Variants in NAA40 observed in about 807,000 individuals in gnomAD.
NAA40 encodes N-alpha-acetyltransferase 40, NatD catalytic subunit.
In NAA40, 26 loss-of-function variants were observed where a neutral mutation model predicts 36.6. That is an observed-to-expected ratio of 0.71 (90% CI 0.52 to 0.98). The LOEUF is 0.98. Ranked by LOEUF, NAA40 falls within the 50% of genes least tolerant of loss-of-function variation. The probability of loss-of-function intolerance (pLI) is 0.00; values close to 1 mark genes in which losing one functional copy is unlikely to be tolerated. For missense variants in NAA40, 237 were observed against 306.5 expected (o/e 0.77, Z 1.69); for synonymous variants, 129 against 108.4 (o/e 1.19, Z -1.18).
intron 3 of NAA40, chr11:63,952,024 T>G: frequency 7.7e-6 from 4 of 519,524 alleles, no homozygotes; most frequent in South Asian, 6.5e-5. Flanking sequence ...GCCTTGTGGT[T>G]GGGGGGTGGG....
intron 3 of NAA40, among the ~76,000 whole-genome samples, chr11:63,951,694 G>A (rs1440716654): frequency 6.6e-6 from 1 of 152,146 alleles, no homozygotes; most frequent in African/African-American, 2.4e-5. Context: ...GATGAGGCAG[G>A]CAGGACTCCT....
intron 1 of NAA40, among the ~76,000 whole-genome samples, chr11:63,943,562 T>C (rs748589307): frequency 6.6e-6 from 1 of 152,206 alleles, no homozygotes; most frequent in Non-Finnish European, 1.5e-5. Flanking sequence ...GAGTCTCCCC[T>C]CTGCCCTTTA....
Position 63,939,065 on chromosome 11 carries a change from T to G in NAA40, c.-32T>G. Reference sequence around the variant, plus strand: ...TGCCGCCTCCCTGCCGGCAAGTGTGTGAAGAAGAAGCTGAGCGTTGTCGCC... The same window carrying G: ...TGCCGCCTCCCTGCCGGCAAGTGTGGGAAGAAGAAGCTGAGCGTTGTCGCC... On this transcript the variant is annotated 5_prime_UTR_variant, in exon 1 of 8. Coordinates refer to ENST00000377793, the MANE Select transcript of NAA40 (RefSeq NM_024771.4). 6.3e-7 allele frequency: 1 copy of G among 1,599,360 alleles called. No homozygotes were observed. Among genetic ancestry groups the G allele is most frequent in the African/African-American group, 1.4e-5 (1 of 71,876 alleles).
In NAA40 at chr11:63,955,610, G is replaced by A. The variant is rs1336062401; in HGVS notation, c.*1131G>A. 1 of 152,648 alleles carries A rather than the reference G, an allele frequency of 6.6e-6. No homozygotes were observed. The highest frequency in any genetic ancestry group is 1.5e-5 in the Non-Finnish European group (1 of 68,076). The allele number at this position is 152,648 out of a possible 1,614,324, so 9.5% of individuals were successfully genotyped here. ...AGTGAGGCACTAGTGCCACTGCCGT[G>A]GCCCAGCCGGGCCATAGCTCAGGCT... On this transcript the variant is annotated 3_prime_UTR_variant, in exon 8 of 8. Coordinates refer to ENST00000377793, the MANE Select transcript of NAA40 (RefSeq NM_024771.4).
chr11:63,949,770 T>C (rs1296446963), intron 3 of NAA40, among the ~76,000 whole-genome samples: 9 of 125,664 alleles, frequency 7.2e-5, no homozygotes, highest in African/African-American at 2.6e-4. Flanking sequence ...TTTGAGATGG[T>C]GTCTTGCTCT....
At chr11:63,945,657 C>T (rs1247005699) in intron 1 of NAA40, among the ~76,000 whole-genome samples, 183 bp from the exon 2 acceptor site, 2 of 152,152 alleles carry the variant, frequency 1.3e-5, no homozygotes, top group African/African-American at 4.8e-5. Context: ...CCTCTGAGGA[C>T]TCCCCACTAC....
intron 1 of NAA40, among the ~76,000 whole-genome samples, chr11:63,943,964 C>T (rs1942146405): frequency 6.6e-6 from 1 of 152,176 alleles, no homozygotes; most frequent in African/African-American, 2.4e-5. Flanking sequence ...CTTATGAAGA[C>T]AGTCTATTCT....
At position 63,952,264 on chromosome 11, in the gene NAA40, G is replaced by A. The variant is rs762104240; in HGVS notation, c.182G>A (p.Arg61Gln). Residue 61 changes from arginine (R) to glutamine (Q), a missense_variant, in exon 4 of 8, where the codon CGA becomes CAA. By Grantham distance (43) the Arg-to-Gln change is conservative. Coordinates refer to ENST00000377793, the MANE Select transcript of NAA40 (RefSeq NM_024771.4). ...TTGAATGTCTCCATTGAATGTAAGC[G>A]AGTGTCTGGACTGGAGCCAGCCACC... ...NGLNVSIECKRVSGLEPATVD... is the reference protein window; with the variant it reads ...NGLNVSIECKQVSGLEPATVD... 1.2e-6 allele frequency: 2 copies of A among 1,613,244 alleles called. No individual in the cohort carries two copies. Among genetic ancestry groups the A allele is most frequent in the Admixed American group, 1.7e-5 (1 of 59,944 alleles).
chr11:63,954,392 C>T lies in NAA40; in HGVS notation c.627C>T (p.Cys209=), dbSNP rs772750042. 20 of 1,612,846 alleles carry T rather than the reference C, an allele frequency of 1.2e-5. No homozygotes were observed. Among genetic ancestry groups the T allele is most frequent in the African/African-American group, 4.0e-5 (3 of 74,880 alleles). Residue 209 remains cysteine, a synonymous_variant, in exon 8 of 8, where the codon TGC becomes TGT. Coordinates refer to ENST00000377793, the MANE Select transcript of NAA40 (RefSeq NM_024771.4). The stretch of plus-strand genomic sequence containing the variant: ...TGTCCGGTTGCTGTGGGGAGGATTG[C>T]TCCTATGAGATCCTGAGCCGGAGGA... ...PSMSGCCGED[C]SYEILSRRTK...
intron 1 of NAA40, among the ~76,000 whole-genome samples, chr11:63,941,969 A>G (rs1942115733): frequency 7.3e-6 from 1 of 136,452 alleles, no homozygotes; most frequent in South Asian, 2.4e-4. Flanking sequence ...ACATGGAAAC[A>G]TTTATGTAAC....
At position 63,947,015 on chromosome 11, in the gene NAA40, T is replaced by G; in HGVS notation, c.155+12T>G. 1 of 1,612,894 alleles carries G rather than the reference T, an allele frequency of 6.2e-7. No individual in the cohort carries two copies. Among genetic ancestry groups the G allele is most frequent in the Non-Finnish European group, 8.5e-7 (1 of 1,178,838 alleles). On this transcript the variant is annotated intron_variant, in intron 3 of 7. Transcript: ENST00000377793. ...TATGATAGAAACGGGTGAGTCACATTGAGCATTACCAACTGCTGTCTCCTC... is the reference window on the plus strand; with the variant it reads ...TATGATAGAAACGGGTGAGTCACATGGAGCATTACCAACTGCTGTCTCCTC...
chr11:63,952,362 G>A, intron 4 of NAA40, 29 bp downstream of exon 4: 1 of 1,613,346 alleles, frequency 6.2e-7, no homozygotes, highest in Middle Eastern at 1.7e-4. Flanking sequence ...GGGGAGCCTA[G>A]TTCCTCTCGC....
intron 3 of NAA40, among the ~76,000 whole-genome samples, chr11:63,948,294 A>G (rs1211692672): frequency 6.6e-6 from 1 of 152,240 alleles, no homozygotes; most frequent in Non-Finnish European, 1.5e-5. Context: ...TTCTGAGTTT[A>G]TGGAGTTTCC....
chr11:63,939,076 C>G lies in NAA40; in HGVS notation c.-21C>G. On this transcript the variant is annotated 5_prime_UTR_variant, in exon 1 of 8. Transcript: ENST00000377793. ...TGCCGGCAAGTGTGTGAAGAAGAAGCTGAGCGTTGTCGCCGCCGCTATGGG... is the reference window on the plus strand; with the variant it reads ...TGCCGGCAAGTGTGTGAAGAAGAAGGTGAGCGTTGTCGCCGCCGCTATGGG... 1.9e-6 allele frequency: 3 copies of G among 1,603,678 alleles called. No individual in the cohort carries two copies. The highest frequency in any genetic ancestry group is 2.6e-6 in the Non-Finnish European group (3 of 1,175,920).
intron 1 of NAA40, among the ~76,000 whole-genome samples, chr11:63,944,844 C>T (rs182211947): frequency 1.2e-4 from 17 of 144,254 alleles, no homozygotes; most frequent in Non-Finnish European, 2.3e-4. Context: ...CAGAGGCTGC[C>T]GTGAACCGAG....
In NAA40 at chr11:63,952,404, C is replaced by T; in HGVS notation, c.252-3C>T. ...CCCGTCTGACTGCTCCCAAATTCCC[C>T]AGGTATGAGCAGAGCGAGTGGGGCT... On this transcript the variant is annotated splice_region_variant and splice_polypyrimidine_tract_variant and intron_variant, in intron 4 of 7. Transcript: ENST00000377793. 1 of 1,613,812 alleles carries T rather than the reference C, an allele frequency of 6.2e-7. No homozygotes were observed.
At chr11:63,945,030 A>C (rs1464391293) in intron 1 of NAA40, among the ~76,000 whole-genome samples, 1 of 152,114 alleles carries the variant, frequency 6.6e-6, no homozygotes, top group Non-Finnish European at 1.5e-5. Flanking sequence ...GCCTGAGAGA[A>C]TCTCACGTCG....
At chr11:63,947,464 A>G (rs1282276272) in intron 3 of NAA40, among the ~76,000 whole-genome samples, 1 of 152,184 alleles carries the variant, frequency 6.6e-6, no homozygotes, top group African/African-American at 2.4e-5. Context: ...CCCTATATTG[A>G]TATAAAATCC....
At chr11:63,950,708 C>T (rs544016765) in intron 3 of NAA40, among the ~76,000 whole-genome samples, 2 of 150,846 alleles carry the variant, frequency 1.3e-5, no homozygotes, top group African/African-American at 2.4e-5. Flanking sequence ...ATGATCCGCC[C>T]GCCTCGGCCT....
Sources: allele counts gnomAD v4.1 joint callset (sites outside exome capture counted in the v4.1 genomes callset), GRCh38; gene constraint gnomAD v4.1.1; transcripts MANE v1.5; gene names NCBI Gene and HGNC (gene_info 2026-07-23, HGNC 2026-07-21).